Variants in UTP18 observed in about 807,000 individuals in gnomAD.
The protein encoded by UTP18 is U3 small nucleolar RNA-associated protein 18 homolog.
Under a neutral mutation model 61.1 loss-of-function variants are expected in UTP18, and 36 were observed. The observed-to-expected ratio is 0.59, with a 90% CI of 0.45 to 0.78. UTP18 has a LOEUF of 0.78. Ranked by LOEUF, UTP18 falls within the 30% of genes least tolerant of loss-of-function variation. The pLI, the probability that UTP18 is intolerant of heterozygous loss-of-function variation, is 0.00. For synonymous variants in UTP18, 282 were observed against 251.1 expected (o/e 1.12, Z -1.16); for missense variants, 753 against 693.9 (o/e 1.09, Z -0.96).
intron 12 of UTP18, chr17:51,296,196 T>C (rs1379673983): frequency 6.6e-6 from 1 of 152,208 alleles, no homozygotes; most frequent in Non-Finnish European, 1.5e-5. Context: ...TAGGGAGAAC[T>C]AAAGAGCTTT....
At chr17:51,287,529 A>G (rs894104923) in intron 10 of UTP18, among the ~76,000 whole-genome samples, 14 of 152,172 alleles carry the variant, frequency 9.2e-5, no homozygotes, top group Admixed American at 9.2e-4. Context: ...CTGTGCAACC[A>G]GAGGAGTGGA....
chr17:51,286,658 C>T (rs1366235793), intron 10 of UTP18: 3 of 442,476 alleles, frequency 6.8e-6, no homozygotes, highest in African/African-American at 2.0e-5. Context: ...AGGCCCCTTC[C>T]TTTCCTACCC....
chr17:51,284,925 G>T (rs962936574), intron 9 of UTP18, among the ~76,000 whole-genome samples: 1 of 152,026 alleles, frequency 6.6e-6, no homozygotes, highest in Non-Finnish European at 1.5e-5. Context: ...ACTACGCATG[G>T]TGGCACAAAC....
At chr17:51,283,899 G>A (rs1372137342) in intron 9 of UTP18, among the ~76,000 whole-genome samples, 1 of 152,204 alleles carries the variant, frequency 6.6e-6, no homozygotes, top group Non-Finnish European at 1.5e-5. Flanking sequence ...ACAGGCATGA[G>A]CCACCATGCC....
Position 51,277,209 on chromosome 17 carries a change from A to G in UTP18, c.917A>G (p.Asn306Ser), listed in dbSNP as rs773224745. Reference sequence around the variant, plus strand: ...ATCTTTAAGGCTTGTTTTAGTGCTAATGGGGAAGAAGTTTTAGCCACGAGT... The same window carrying G: ...ATCTTTAAGGCTTGTTTTAGTGCTAGTGGGGAAGAAGTTTTAGCCACGAGT... Reference protein sequence around the residue: ...FPIFKACFSANGEEVLATSTH... With the variant: ...FPIFKACFSASGEEVLATSTH... The change falls in exon 7 of 14, where the codon AAT becomes AGT. Residue 306 changes from asparagine to serine, a missense_variant. Asn to Ser is a conservative substitution (Grantham distance 46). Coordinates refer to ENST00000225298, the MANE Select transcript of UTP18 (RefSeq NM_016001.3). 4 of 1,614,040 alleles carry G rather than the reference A, an allele frequency of 2.5e-6. No homozygotes were observed. The Admixed American group carries it at 5.0e-5, about 20-fold the overall frequency.
At position 51,260,799 on chromosome 17, in the gene UTP18, T is replaced by A. The variant is rs1568259986; in HGVS notation, c.215T>A (p.Leu72His). The A allele has an allele frequency of 1.3e-6, 2 of 1,581,754 alleles. No individual in the cohort carries two copies. Among genetic ancestry groups the A allele is most frequent in the Non-Finnish European group, 1.7e-6 (2 of 1,165,446 alleles). The part of the protein sequence containing the change: ...AVAAAEEERR[L>H]RQRNRLRLEE... ...GCGGCGGCGGAGGAAGAGAGACGGC[T>A]CCGGCAGCGGAACCGCCTGAGGCTG... The change falls in exon 1 of 14, where the codon CTC becomes CAC. Residue 72 changes from leucine to histidine, a missense_variant. Leu to His is a moderately conservative substitution (Grantham distance 99, BLOSUM62 -3). Coordinates refer to ENST00000225298, the MANE Select transcript of UTP18 (RefSeq NM_016001.3).
chr17:51,275,392 G>T (rs1904682976), intron 5 of UTP18, among the ~76,000 whole-genome samples: 1 of 152,166 alleles, frequency 6.6e-6, no homozygotes, highest in Non-Finnish European at 1.5e-5. Context: ...TACCCTAAGA[G>T]AATAAAGCAA....
At chr17:51,280,249 T>A in intron 8 of UTP18, 140 bp from the exon 9 acceptor site, 1 of 1,284,782 alleles carries the variant, frequency 7.8e-7, no homozygotes, top group Non-Finnish European at 1.1e-6. Flanking sequence ...TGTGGGCAGT[T>A]GGGGGAGAGC....
At chr17:51,296,473 A>G (rs184380703) in intron 12 of UTP18, 3 of 152,728 alleles carry the variant, frequency 2.0e-5, no homozygotes, top group African/African-American at 7.2e-5. Context: ...TAATTTCATC[A>G]GTCTCATTTC....
intron 7 of UTP18, among the ~76,000 whole-genome samples, chr17:51,279,237 A>G (rs1376524045): frequency 6.6e-6 from 1 of 152,204 alleles, no homozygotes; most frequent in Non-Finnish European, 1.5e-5. Flanking sequence ...GGAGGTAGCC[A>G]GTTGTATGCA....
chr17:51,265,660 TTCAAGTGGTTCTTCTGCC>T (rs2055553775), intron 2 of UTP18, among the ~76,000 whole-genome samples: 1 of 143,752 alleles, frequency 7.0e-6, no homozygotes, highest in East Asian at 2.2e-4. Context: ...GCCTCCTGGG[TTCAAGTGGTTCTTCTGCC>T]TCAGCCTCCT....
intron 12 of UTP18, among the ~76,000 whole-genome samples, chr17:51,295,123 C>A (rs1056873903): frequency 1.7e-3 from 259 of 152,072 alleles, no homozygotes; most frequent in African/African-American, 5.9e-3. Flanking sequence ...GAGTAGGTTG[C>A]GACAATTTTC....
chr17:51,268,894 A>G lies in UTP18; in HGVS notation c.612A>G (p.Thr204=). The G allele has an allele frequency of 9.9e-6, 16 of 1,613,872 alleles. No individual in the cohort carries two copies. The highest frequency in any genetic ancestry group is 1.4e-5 in the Non-Finnish European group (16 of 1,179,814). The stretch of plus-strand genomic sequence containing the variant: ...GGGCAGAGACTACTAAGCGGAAAAC[A>G]TCTTCAGATGGTGAGCGTTGATATT... The part of the protein sequence containing the change: ...PAWAETTKRK[T]SSDDESEEDE... Residue 204 remains threonine (T), a synonymous_variant, in exon 4 of 14, where the codon ACA becomes ACG. Transcript: ENST00000225298.
intron 1 of UTP18, among the ~76,000 whole-genome samples, chr17:51,261,986 C>G (rs997310061): frequency 1.3e-5 from 2 of 152,036 alleles, no homozygotes; most frequent in African/African-American, 4.8e-5. Context: ...GGTTTGAAGG[C>G]TATTAGACTA....
Position 51,288,087 on chromosome 17 carries a change from C to A in UTP18, c.1387C>A (p.Pro463Thr). 6.2e-7 allele frequency: 1 copy of A among 1,608,894 alleles called. No homozygotes were observed. Among genetic ancestry groups the A allele is most frequent in the South Asian group, 1.1e-5 (1 of 89,622 alleles). The change falls in exon 11 of 14, where the codon CCA (proline) becomes ACA (threonine). Residue 463 changes from proline to threonine, a missense_variant. Transcript: ENST00000225298. ...NQDSCLQETNPKPIKAIMNLV... is the reference protein window; with the variant it reads ...NQDSCLQETNTKPIKAIMNLV... The stretch of plus-strand genomic sequence containing the variant: ...AGATTCTTGTCTCCAAGAAACAAAC[C>A]CAAAGCCAATAAAAGCTATAATGAA...
chr17:51,279,229 A>G (rs1341254247), intron 7 of UTP18, among the ~76,000 whole-genome samples: 3 of 152,118 alleles, frequency 2.0e-5, no homozygotes, highest in Non-Finnish European at 4.4e-5. Flanking sequence ...CCTTCCTTGG[A>G]GGTAGCCAGT....
chr17:51,280,662 A>T (rs1308532189), intron 9 of UTP18, among the ~76,000 whole-genome samples, 183 bp downstream of exon 9: 1 of 151,960 alleles, frequency 6.6e-6, no homozygotes, highest in Non-Finnish European at 1.5e-5. Flanking sequence ...AAAAGAAAAA[A>T]AGTAGCTGGG....
chr17:51,263,061 C>A (rs907915124), intron 1 of UTP18, among the ~76,000 whole-genome samples: 1 of 152,204 alleles, frequency 6.6e-6, no homozygotes, highest in Non-Finnish European at 1.5e-5. Context: ...CTTGACTGTT[C>A]CATCTTGCCT....
chr17:51,264,607 TC>T (rs35339154), intron 2 of UTP18, among the ~76,000 whole-genome samples: 76,094 of 149,334 alleles, frequency 0.51, 19,577 homozygotes, highest in Middle Eastern at 0.63. Flanking sequence ...GTTTTTTTTT[TC>T]CAGACTCTGT....
Sources: gnomAD v4.1 joint callset for allele counts (sites outside exome capture counted in the v4.1 genomes callset) on GRCh38, gnomAD v4.1.1 for gene constraint, MANE v1.5 for transcripts, NCBI Gene and HGNC (gene_info 2026-07-23, HGNC 2026-07-21) for gene names.